Variants in ZNF385D observed in about 807,000 individuals in gnomAD.
ZNF385D encodes zinc finger protein 659.
A neutral mutation model predicts 35.8 loss-of-function variants in ZNF385D; 15 were observed. The ratio of observed to expected loss-of-function variants is 0.42; its 90% confidence interval spans 0.28 to 0.64. The LOEUF is 0.64. Ranked by LOEUF, ZNF385D falls within the 30% of genes least tolerant of loss-of-function variation. The pLI, the probability that ZNF385D is intolerant of heterozygous loss-of-function variation, is 0.23. For synonymous variants in ZNF385D, 212 were observed against 186.8 expected, an observed-to-expected ratio of 1.13 and a Z score of -1.10; for missense variants, 474 against 494.6, an observed-to-expected ratio of 0.96 and a Z score of 0.39.
intron 2 of ZNF385D, among the ~76,000 whole-genome samples, chr3:22,287,528 T>C (rs757592759): frequency 6.6e-5 from 10 of 152,020 alleles, no homozygotes; most frequent in Non-Finnish European, 1.2e-4. Flanking sequence ...GTACCTACTA[T>C]GGGTTTTTGC....
chr3:21,920,770 T>A (rs1200749392), intron 3 of ZNF385D, among the ~76,000 whole-genome samples: 1 of 151,840 alleles, frequency 6.6e-6, no homozygotes, highest in Non-Finnish European at 1.5e-5. Flanking sequence ...GTCAAGAAAA[T>A]GAGAAATTTG....
chr3:22,037,079 T>C (rs547421474), intron 3 of ZNF385D, among the ~76,000 whole-genome samples: 1 of 152,138 alleles, frequency 6.6e-6, no homozygotes, highest in Non-Finnish European at 1.5e-5. Flanking sequence ...TTATGGTGTA[T>C]ATGTGCCACA....
intron 3 of ZNF385D, among the ~76,000 whole-genome samples, chr3:22,157,001 A>G (rs1705631432): frequency 6.6e-6 from 1 of 152,124 alleles, no homozygotes. Context: ...TCTTCAGCAC[A>G]AGGTAGACAA....
At chr3:21,855,264 T>G (rs1450684208) in intron 3 of ZNF385D, among the ~76,000 whole-genome samples, 2 of 152,050 alleles carry the variant, frequency 1.3e-5, no homozygotes, top group African/African-American at 2.4e-5. Flanking sequence ...ATTTTTTAGC[T>G]GATAAAAAAA....
At chr3:22,349,090 C>A (rs1332110562) in intron 2 of ZNF385D, among the ~76,000 whole-genome samples, 1 of 152,140 alleles carries the variant, frequency 6.6e-6, no homozygotes, top group East Asian at 1.9e-4. Context: ...ATTCAGAACT[C>A]CATGTCTCCT....
At position 21,866,052 on chromosome 3, in the gene ZNF385D, CATT is replaced by C. The variant is rs552110123; in HGVS notation, c.326-201027_326-201025del. On this transcript the variant is annotated intron_variant, in intron 3 of 5. Transcript: ENST00000494108. ...TACATTCATGTGTATCTATTTATAACATTAGTATGTGTATGTACAAATATACAT... is the reference window on the plus strand; with the variant it reads ...TACATTCATGTGTATCTATTTATAACAGTATGTGTATGTACAAATATACAT... 2.3e-3 allele frequency among the ~76,000 whole-genome samples: 346 copies of C among 151,756 alleles called. 4 individuals carry two copies. Among genetic ancestry groups the C allele is most frequent in the African/African-American group, 7.9e-3 (325 of 41,368 alleles).
At chr3:22,312,885 A>G (rs1703651158) in intron 2 of ZNF385D, among the ~76,000 whole-genome samples, 1 of 131,096 alleles carries the variant, frequency 7.6e-6, no homozygotes, top group Admixed American at 7.5e-5. Flanking sequence ...CATTTGACCC[A>G]GCCATCCCAT....
intron 2 of ZNF385D, among the ~76,000 whole-genome samples, chr3:22,235,842 TA>T: frequency 6.6e-6 from 1 of 152,218 alleles, no homozygotes; most frequent in African/African-American, 2.4e-5. Context: ...AAGGGTAATA[TA>T]AAAATTTAAT....
At chr3:22,293,037 G>C (rs1471501565) in intron 2 of ZNF385D, among the ~76,000 whole-genome samples, 1 of 152,082 alleles carries the variant, frequency 6.6e-6, no homozygotes, top group African/African-American at 2.4e-5. Context: ...TCAAGAAGCT[G>C]TAAGTTAGTA....
chr3:22,246,582 G>A lies in ZNF385D; in HGVS notation c.107-77547C>T, dbSNP rs529638002. Among the ~76,000 whole-genome samples the A allele has an allele frequency of 2.6e-5, 4 of 152,238 alleles. No individual in the cohort carries two copies. In the East Asian group the frequency reaches 7.7e-4, roughly 29 times the overall value. On this transcript the variant is annotated intron_variant, in intron 2 of 5. Coordinates refer to the ZNF385D transcript ENST00000494108. ...ACTTTGCTATAAAACTAACTGAAAT[G>A]TTAACTTTATAAAATTTGATGTTAG...
intron 3 of ZNF385D, among the ~76,000 whole-genome samples, chr3:22,125,133 C>T (rs1319356451): frequency 6.6e-6 from 1 of 152,070 alleles, no homozygotes; most frequent in South Asian, 2.1e-4. Flanking sequence ...CTTTTGCATA[C>T]ATATGTTCAG....
intron 3 of ZNF385D, among the ~76,000 whole-genome samples, chr3:22,096,211 G>A (rs1701614748): frequency 1.3e-5 from 2 of 151,940 alleles, no homozygotes; most frequent in Admixed American, 1.3e-4. Flanking sequence ...ACCGACTGTT[G>A]AGTAGCATGC....
intron 3 of ZNF385D, among the ~76,000 whole-genome samples, chr3:21,948,838 G>T (rs1701920721): frequency 6.6e-6 from 1 of 152,006 alleles, no homozygotes; most frequent in Non-Finnish European, 1.5e-5. Context: ...TGAAGTATAA[G>T]AAATCTGTCT....
At chr3:21,574,192 C>T (rs1272021679) in intron 2 of ZNF385D, among the ~76,000 whole-genome samples, 1 of 151,986 alleles carries the variant, frequency 6.6e-6, no homozygotes. Flanking sequence ...CATAATGTCA[C>T]CTATGAGGAA....
chr3:22,204,077 A>G (rs1479076151), intron 2 of ZNF385D, among the ~76,000 whole-genome samples: 1 of 152,022 alleles, frequency 6.6e-6, no homozygotes. Flanking sequence ...CACAATCCCA[A>G]TGGTGGTGGC....
At chr3:21,584,081 C>G (rs1048969284) in intron 2 of ZNF385D, among the ~76,000 whole-genome samples, 1 of 151,918 alleles carries the variant, frequency 6.6e-6, no homozygotes, top group African/African-American at 2.4e-5. Flanking sequence ...TCAAGCTATT[C>G]TCCTGCCTCA....
At chr3:21,832,649 A>G (rs1695070567) in intron 3 of ZNF385D, among the ~76,000 whole-genome samples, 1 of 152,180 alleles carries the variant, frequency 6.6e-6, no homozygotes, top group Admixed American at 6.5e-5. Context: ...TTCTTGGATC[A>G]GTTCAATGAC....
chr3:21,435,454 G>A (rs911587870), intron 5 of ZNF385D, among the ~76,000 whole-genome samples: 5 of 151,508 alleles, frequency 3.3e-5, no homozygotes, highest in Non-Finnish European at 7.4e-5. Flanking sequence ...TTGTGGAGAT[G>A]GGGGTCTCCC....
intron 4 of ZNF385D, among the ~76,000 whole-genome samples, chr3:21,469,657 A>G (rs1234767995): frequency 2.6e-5 from 4 of 152,140 alleles, no homozygotes; most frequent in African/African-American, 9.7e-5. Context: ...TCTTTTTTTA[A>G]TAACTATCTC....
Sources: gnomAD v4.1 joint callset for allele counts (sites outside exome capture counted in the v4.1 genomes callset) on GRCh38, gnomAD v4.1.1 for gene constraint, MANE v1.5 for transcripts, NCBI Gene and HGNC (gene_info 2026-07-23, HGNC 2026-07-21) for gene names.